The following CLCN2 variants were observed in gnomAD, a reference collection of about 807,000 sequenced individuals.
The protein encoded by CLCN2 is chloride channel protein 2.
In CLCN2, 72 loss-of-function variants were observed where a neutral mutation model predicts 108.3. The observed-to-expected ratio is 0.66, with a 90% CI of 0.55 to 0.81. The LOEUF (loss-of-function observed/expected upper bound fraction) is 0.81, where lower values mean the gene tolerates loss of function less well. Ranked by LOEUF, CLCN2 falls within the 30% of genes least tolerant of loss-of-function variation. The probability of loss-of-function intolerance (pLI) is 0.00; values close to 1 mark genes in which losing one functional copy is unlikely to be tolerated. For missense variants in CLCN2, 1,048 were observed against 1,205.2 expected (o/e 0.87, Z 1.93); for synonymous variants, 471 against 467.1 (o/e 1.01, Z -0.11).
In CLCN2 at chr3:184,357,402, G is replaced by C. The variant is rs900379914; in HGVS notation, c.858C>G (p.Ala286=). 6.2e-7 allele frequency: 1 copy of C among 1,614,108 alleles called. No homozygotes were observed. The highest frequency in any genetic ancestry group is 8.5e-7 in the Non-Finnish European group (1 of 1,180,018). The change falls in exon 8 of 24, where the codon GCC becomes GCG. Residue 286 remains alanine (A), a synonymous_variant. Coordinates refer to ENST00000265593, the MANE Select transcript of CLCN2 (RefSeq NM_004366.6). ...AGACTGCCAAGACCCGGAAGATGAA[G>C]GCACTGAAGGTGGCAGCGAAGAAGC... The part of the protein sequence containing the change: ...WRGFFAATFS[A]FIFRVLAVWN...
chr3:184,357,878 G>A, intron 5 of CLCN2, 22 bp from the exon 6 acceptor site: 1 of 1,613,650 alleles, frequency 6.2e-7, no homozygotes, highest in Non-Finnish European at 8.5e-7. Flanking sequence ...GGCAGGCGGT[G>A]AGTCGGGAGG....
Position 184,354,189 on chromosome 3 carries a change from C to T in CLCN2, c.1633G>A (p.Ala545Thr), listed in dbSNP as rs137978189. ...MIAVILANAV[A>T]QSLQPSLYDS... ...TAGAGGGAGGGCTGCAGACTCTGGGCGACAGCGTTGGCCAGGATGACGGCG... is the reference window on the plus strand; with the variant it reads ...TAGAGGGAGGGCTGCAGACTCTGGGTGACAGCGTTGGCCAGGATGACGGCG... Residue 545 changes from alanine to threonine, a missense_variant, in exon 15 of 24, where the codon GCC becomes ACC. Ala to Thr is a moderately conservative substitution (Grantham distance 58). Coordinates refer to ENST00000265593, the MANE Select transcript of CLCN2 (RefSeq NM_004366.6). 2.9e-4 allele frequency: 474 copies of T among 1,613,286 alleles called. 1 individual carries two copies. The highest frequency in any genetic ancestry group is 4.2e-4 in the Admixed American group (25 of 59,930).
chr3:184,346,783 C>A lies in CLCN2; in HGVS notation c.2520G>T (p.Glu840Asp), dbSNP rs1727702492. Residue 840 changes from glutamate (E) to aspartate (D), a missense_variant, in exon 24 of 24, where the codon GAG becomes GAT. Coordinates refer to ENST00000265593, the MANE Select transcript of CLCN2 (RefSeq NM_004366.6). This position sits in a 1 kb window ranked among gnomAD's most constrained non-coding sequence, Gnocchi z 6.0. ...TCACACCCTGTGCTGTGACAGAGCC[C>A]TCGATGGCCTTCCGGAGCTGGAAAG... ...VTLKELRKAI[E>D]GSVTAQGVKV... The A allele has an allele frequency of 1.2e-6, 2 of 1,613,938 alleles. No homozygotes were observed. The highest frequency in any genetic ancestry group is 8.5e-7 in the Non-Finnish European group (1 of 1,180,030).
At chr3:184,347,172 TAAC>T (rs200802091) in intron 22 of CLCN2, 151 bp from the exon 23 acceptor site, 12,129 of 712,852 alleles carry the variant, frequency 0.017, 147 homozygotes, top group Non-Finnish European at 0.023. Flanking sequence ...GGGAAAATAA[TAAC>T]AATCGTAATA....
At chr3:184,359,521 T>C (rs943820890) in intron 1 of CLCN2, among the ~76,000 whole-genome samples, 2 of 152,154 alleles carry the variant, frequency 1.3e-5, no homozygotes, top group South Asian at 2.1e-4. Flanking sequence ...CAGGGGCACA[T>C]GGGCAACAAT....
intron 3 of CLCN2, 136 bp from the exon 4 acceptor site, chr3:184,358,446 A>AG: frequency 5.2e-6 from 7 of 1,335,100 alleles, no homozygotes; most frequent in Non-Finnish European, 7.5e-6. Context: ...AGGGTCCCTG[A>AG]GGGTATTCAC....
rs774777586 is a variant in CLCN2 at position 184,352,396 on chromosome 3, C to G, written c.2271+47G>C. The G allele has an allele frequency of 4.3e-6, 7 of 1,612,952 alleles. No individual in the cohort carries two copies. The Admixed American group carries it at 6.7e-5, about 15-fold the overall frequency. On this transcript the variant is annotated intron_variant, in intron 20 of 23. Coordinates refer to ENST00000265593, the MANE Select transcript of CLCN2 (RefSeq NM_004366.6). ...GAGTTTATCCAGCCTAGACCCTGCC[C>G]TCCCTGCCCGGTGCCGCCGAGATGC...
intron 3 of CLCN2, 101 bp downstream of exon 3, chr3:184,358,581 G>A: frequency 4.7e-6 from 7 of 1,485,336 alleles, no homozygotes; most frequent in Middle Eastern, 2.3e-4. Flanking sequence ...AAAGTGGTCA[G>A]TGGCCAAGAA....
At position 184,353,813 on chromosome 3, in the gene CLCN2, C is replaced by A; in HGVS notation, c.1722-18G>T. On this transcript the variant is annotated intron_variant, in intron 15 of 23. Coordinates refer to ENST00000265593, the MANE Select transcript of CLCN2 (RefSeq NM_004366.6). ...GGTACTGCCTGGGGGCCGAGAGAGG[C>A]GCTTGGTTTGTGGTCAGCATGGGGA... 6.2e-7 allele frequency: 1 copy of A among 1,601,234 alleles called. No homozygotes were observed. The highest frequency in any genetic ancestry group is 2.2e-5 in the East Asian group (1 of 44,450).
rs201130753 is a variant in CLCN2 at position 184,353,781 on chromosome 3, C to T, written c.1736G>A (p.Arg579His). The T allele has an allele frequency of 2.1e-5, 34 of 1,606,330 alleles. No individual in the cohort carries two copies. The African/African-American group carries it at 3.2e-4, about 15-fold the overall frequency. The change falls in exon 16 of 24, where the codon CGT becomes CAT. Residue 579 changes from arginine to histidine, a missense_variant. Arg to His is a conservative substitution (Grantham distance 29). Coordinates refer to ENST00000265593, the MANE Select transcript of CLCN2 (RefSeq NM_004366.6). ...ATCCCGCACCATGATGTCCTCCACA[C>T]GCACCCGGTACTGCCTGGGGGCCGA... ...GWGRHQQYRV[R>H]VEDIMVRDVP...
chr3:184,353,597 T>G (rs1238204341), intron 16 of CLCN2, 65 bp downstream of exon 16: 2 of 1,602,930 alleles, frequency 1.2e-6, no homozygotes, highest in Non-Finnish European at 1.7e-6. Flanking sequence ...CTGAGCTCCC[T>G]GCCCCTTCCC....
intron 22 of CLCN2, 91 bp downstream of exon 22, chr3:184,351,922 C>T (rs974411216): frequency 3.3e-6 from 3 of 922,730 alleles, no homozygotes; most frequent in African/African-American, 1.6e-5. Flanking sequence ...CCTCCTTCCC[C>T]ACTGGCCTGA....
At chr3:184,353,541 C>T in intron 16 of CLCN2, 119 bp from the exon 17 acceptor site, 5 of 1,549,048 alleles carry the variant, frequency 3.2e-6, no homozygotes, top group Non-Finnish European at 4.4e-6. Flanking sequence ...GAAGCCCCCA[C>T]CTGGCAAGTG....
At position 184,354,676 on chromosome 3, in the gene CLCN2, G is replaced by T; in HGVS notation, c.1397-18C>A. 3.0e-6 allele frequency: 3 copies of T among 1,014,378 alleles called. No individual in the cohort carries two copies. Among genetic ancestry groups the T allele is most frequent in the Non-Finnish European group, 4.3e-6 (3 of 689,864 alleles). The allele number at this position is 1,014,378 out of a possible 1,614,324, so 62.8% of individuals were successfully genotyped here. A position where few individuals can be genotyped will look rare whatever the true frequency, so the allele number is the denominator to read the frequency against. ...TGCTGCTCCTTCAGGGAGGGGGGTG[G>T]GAAGAGAAAGAGGCAGTGGAGGGGG... On this transcript the variant is annotated intron_variant, in intron 13 of 23. Transcript: ENST00000265593.
rs773920199 is a variant in CLCN2, at chr3:184,346,645, C to G, written c.2658G>C (p.Arg886=). The G allele has an allele frequency of 6.2e-7, 1 of 1,614,172 alleles. No homozygotes were observed. The highest frequency in any genetic ancestry group is 1.1e-5 in the South Asian group (1 of 91,086). Residue 886 remains arginine, a synonymous_variant, in exon 24 of 24, where the codon CGG becomes CGC. Coordinates refer to ENST00000265593, the MANE Select transcript of CLCN2 (RefSeq NM_004366.6). The surrounding 1 kb of genome is among the most constrained non-coding windows in gnomAD (Gnocchi z 6.0). ...CGTCGCTGTCGGAAGGGCTGCCCTC[C>G]CGGGGGAGGCCATGACGGGAGTGGG... ...WGPHSRHGLP[R]EGSPSDSDDK... is the part of the protein sequence containing the mutation.
chr3:184,354,835 G>A (rs1728420871), intron 13 of CLCN2, 69 bp downstream of exon 13: 3 of 1,543,886 alleles, frequency 1.9e-6, no homozygotes, highest in Admixed American at 3.3e-5. Flanking sequence ...TTGGGCAGAG[G>A]GTTGGCTGGG....
chr3:184,348,319 G>A (rs889246943), intron 22 of CLCN2: 3 of 151,948 alleles, frequency 2.0e-5, no homozygotes, highest in Admixed American at 6.6e-5. Flanking sequence ...TGCAATATGC[G>A]AAACCCTGTC....
chr3:184,359,988 G>T (rs893631806), intron 1 of CLCN2, among the ~76,000 whole-genome samples: 2 of 151,242 alleles, frequency 1.3e-5, no homozygotes, highest in Admixed American at 6.6e-5. Context: ...GGCTGGGATG[G>T]GGGGGAGGGA....
At chr3:184,349,886 T>C (rs1443255497) in intron 22 of CLCN2, among the ~76,000 whole-genome samples, 1 of 152,182 alleles carries the variant, frequency 6.6e-6, no homozygotes, top group African/African-American at 2.4e-5. Flanking sequence ...TCTCCGTGGG[T>C]GGCCTCTGAA....
Sources: allele counts gnomAD v4.1 joint callset (sites outside exome capture counted in the v4.1 genomes callset), GRCh38; gene constraint gnomAD v4.1.1; non-coding constraint Gnocchi (gnomAD v3.1); transcripts MANE v1.5; gene names NCBI Gene and HGNC (gene_info 2026-07-23, HGNC 2026-07-21).